Variants in PTPRG observed in about 807,000 individuals in gnomAD.
The protein encoded by PTPRG is receptor-type tyrosine-protein phosphatase gamma.
In PTPRG, 102 loss-of-function variants were observed where a neutral mutation model predicts 165.3. The ratio of observed to expected loss-of-function variants is 0.62; its 90% CI spans 0.53 to 0.73. The LOEUF (loss-of-function observed/expected upper bound fraction) is 0.73. Among genes scored for constraint, PTPRG ranks in the 30% least tolerant of loss-of-function variants. The pLI, the probability that PTPRG is intolerant of heterozygous loss-of-function variation, is 0.00. For missense variants in PTPRG, 1,866 were observed against 1,861.4 expected (o/e 1.00, Z -0.05); for synonymous variants, 675 against 669.5 (o/e 1.01, Z -0.13).
At chr3:61,581,892 G>A (rs116710578) in intron 1 of PTPRG, among the ~76,000 whole-genome samples, 1,541 of 152,128 alleles carry the variant, frequency 0.01, 29 homozygotes, top group African/African-American at 0.035. Flanking sequence ...TTACAGGTAT[G>A]AGCCTGTACC....
At chr3:62,153,613 A>G (rs563359773) in intron 6 of PTPRG, among the ~76,000 whole-genome samples, 2 of 152,364 alleles carry the variant, frequency 1.3e-5, no homozygotes, top group African/African-American at 4.8e-5. Flanking sequence ...ATGACAGAAC[A>G]TTGGTAGCTT....
chr3:61,778,963 A>AGGGAAGG (rs2034464495), intron 2 of PTPRG, among the ~76,000 whole-genome samples: 1 of 152,078 alleles, frequency 6.6e-6, no homozygotes, highest in Non-Finnish European at 1.5e-5. Context: ...GGGAAGGAGG[A>AGGGAAGG]AGGAAGGAGC....
chr3:62,211,814 A>G (rs1192106003), intron 12 of PTPRG, among the ~76,000 whole-genome samples: 1 of 152,114 alleles, frequency 6.6e-6, no homozygotes, highest in Non-Finnish European at 1.5e-5. Flanking sequence ...AGATGGGTCC[A>G]TCTGATGTAT....
At chr3:62,226,236 A>G (rs1576157115) in intron 13 of PTPRG, among the ~76,000 whole-genome samples, 1 of 152,332 alleles carries the variant, frequency 6.6e-6, no homozygotes, top group East Asian at 1.9e-4. Context: ...GGTGGCATAT[A>G]CTTCCCTCCA....
At chr3:61,585,402 C>T (rs1229056997) in intron 1 of PTPRG, among the ~76,000 whole-genome samples, 1 of 152,030 alleles carries the variant, frequency 6.6e-6, no homozygotes, top group African/African-American at 2.4e-5. Context: ...AGTCTTATGA[C>T]TTGCCATTTG....
intron 2 of PTPRG, among the ~76,000 whole-genome samples, chr3:61,908,942 C>T (rs1368228590): frequency 1.3e-5 from 2 of 152,182 alleles, no homozygotes; most frequent in African/African-American, 2.4e-5. Context: ...AGATTTCCTA[C>T]TGTTCCTTTC....
intron 5 of PTPRG, among the ~76,000 whole-genome samples, chr3:62,080,820 T>A (rs891934502): frequency 3.3e-5 from 5 of 152,072 alleles, no homozygotes; most frequent in African/African-American, 7.2e-5. Context: ...GAAATCTAGG[T>A]TTTGAATTTT....
intron 2 of PTPRG, among the ~76,000 whole-genome samples, chr3:61,793,424 A>T (rs575540767): frequency 6.6e-6 from 1 of 152,202 alleles, no homozygotes; most frequent in African/African-American, 2.4e-5. Flanking sequence ...AAAGAAGAAT[A>T]TGCTGCATTT....
chr3:61,626,608 T>C (rs1701615828), intron 1 of PTPRG, among the ~76,000 whole-genome samples: 1 of 152,176 alleles, frequency 6.6e-6, no homozygotes, highest in Non-Finnish European at 1.5e-5. Flanking sequence ...TCGTGAACCT[T>C]CTCAGAGTCA....
intron 2 of PTPRG, among the ~76,000 whole-genome samples, chr3:61,883,978 A>G (rs954441166): frequency 2.6e-5 from 4 of 152,084 alleles, no homozygotes; most frequent in African/African-American, 9.7e-5. Flanking sequence ...GGCCTTCCGA[A>G]GTGTTGGGAT....
At chr3:61,917,410 C>G (rs2038967554) in intron 2 of PTPRG, among the ~76,000 whole-genome samples, 1 of 152,168 alleles carries the variant, frequency 6.6e-6, no homozygotes, top group Non-Finnish European at 1.5e-5. Flanking sequence ...CTGGCAGTTG[C>G]TCCATGTCTA....
intron 5 of PTPRG, among the ~76,000 whole-genome samples, chr3:62,089,835 T>C (rs349160): frequency 0.33 from 49,930 of 152,048 alleles, 10,297 homozygotes; most frequent in African/African-American, 0.59. Context: ...ATTTAGGTCT[T>C]GCGTATTTAG....
intron 2 of PTPRG, among the ~76,000 whole-genome samples, chr3:61,840,643 G>C (rs2036600754): frequency 6.6e-6 from 1 of 151,984 alleles, no homozygotes; most frequent in African/African-American, 2.4e-5. Flanking sequence ...TCTGTGGGTG[G>C]GTACATGGGA....
At chr3:61,909,828 T>C (rs1198729245) in intron 2 of PTPRG, among the ~76,000 whole-genome samples, 2 of 152,246 alleles carry the variant, frequency 1.3e-5, no homozygotes, top group African/African-American at 2.4e-5. Context: ...TATACAATAA[T>C]ATACCAAGTG....
chr3:61,625,943 C>T (rs1022040393), intron 1 of PTPRG, among the ~76,000 whole-genome samples: 2 of 152,106 alleles, frequency 1.3e-5, no homozygotes, highest in Non-Finnish European at 2.9e-5. Context: ...GAGACCATTA[C>T]CTCCTGAGCA....
chr3:61,842,229 G>A (rs926259829), intron 2 of PTPRG, among the ~76,000 whole-genome samples: 1 of 152,132 alleles, frequency 6.6e-6, no homozygotes, highest in African/African-American at 2.4e-5. Flanking sequence ...ACAATTCTAT[G>A]TGCATCCATC....
intron 2 of PTPRG, among the ~76,000 whole-genome samples, chr3:61,867,821 C>G (rs377319277): frequency 6.6e-6 from 1 of 152,154 alleles, no homozygotes; most frequent in Non-Finnish European, 1.5e-5. Flanking sequence ...CAGAGACAAC[C>G]TTAACCTTTG....
chr3:62,107,865 A>G (rs1330558687), intron 5 of PTPRG, among the ~76,000 whole-genome samples: 2 of 152,164 alleles, frequency 1.3e-5, no homozygotes, highest in Non-Finnish European at 2.9e-5. Context: ...CTTTTAATCA[A>G]TGCCTTATAG....
intron 2 of PTPRG, among the ~76,000 whole-genome samples, chr3:61,767,716 C>G (rs922263279): frequency 6.6e-6 from 1 of 152,038 alleles, no homozygotes. Flanking sequence ...TGCCTATAAT[C>G]TCAGCACTTT....
Sources: gnomAD v4.1 joint callset for allele counts (sites outside exome capture counted in the v4.1 genomes callset) on GRCh38, gnomAD v4.1.1 for gene constraint, MANE v1.5 for transcripts, NCBI Gene and HGNC (gene_info 2026-07-23, HGNC 2026-07-21) for gene names.